CUL2: variants seen among roughly 807,000 people sequenced by gnomAD.
CUL2 encodes cullin-2.
Under a neutral mutation model 110.2 loss-of-function variants are expected in CUL2, and 22 were observed. The ratio of observed to expected loss-of-function variants is 0.20; its 90% CI spans 0.14 to 0.28. The LOEUF is 0.28. Ranked by LOEUF, CUL2 falls within the 10% of genes least tolerant of loss-of-function variation. The pLI, the probability that CUL2 is intolerant of heterozygous loss-of-function variation, is 1.00. For missense variants in CUL2, 631 were observed against 905.5 expected, an observed-to-expected ratio of 0.70 and a Z score of 3.89; for synonymous variants, 279 against 293.2, an observed-to-expected ratio of 0.95 and a Z score of 0.49.
chr10:35,095,089 G>A (rs1589058692), upstream of CUL2, among the ~76,000 whole-genome samples: 6 of 152,058 alleles, frequency 3.9e-5, no homozygotes, highest in Non-Finnish European at 2.9e-5. Flanking sequence ...GCTGAGGCTG[G>A]TGGATCACTT....
intron 2 of CUL2, among the ~76,000 whole-genome samples, chr10:35,097,286 T>A (rs1321100345): frequency 6.6e-6 from 1 of 152,054 alleles, no homozygotes; most frequent in East Asian, 1.9e-4. Flanking sequence ...GCCAGATGCA[T>A]CTGTGCCTTG....
chr10:35,046,759 G>A (rs2085951818), intron 6 of CUL2, among the ~76,000 whole-genome samples: 1 of 152,114 alleles, frequency 6.6e-6, no homozygotes, highest in Non-Finnish European at 1.5e-5. Flanking sequence ...GGGCATGGTG[G>A]CGCATGTCTA....
chr10:35,052,393 G>C (rs935851900), intron 5 of CUL2, among the ~76,000 whole-genome samples: 3 of 152,132 alleles, frequency 2.0e-5, no homozygotes, highest in Non-Finnish European at 2.9e-5. Context: ...GATGTGCTTC[G>C]ACAGAGGCTC....
At position 35,068,659 on chromosome 10, in the gene CUL2, C is replaced by T. The variant is rs950621115; in HGVS notation, c.119+2540G>A. ...GTCCATATTTGTGTTATTCACACTC[C>T]CCATAAATGCATGCTAAAAGTTCAA... is the stretch of plus-strand genomic sequence containing the variant. On this transcript the variant is annotated intron_variant, in intron 2 of 20. Transcript: ENST00000374749. 9.9e-5 allele frequency among the ~76,000 whole-genome samples: 15 copies of T among 152,132 alleles called. No individual in the cohort carries two copies. The East Asian group carries it at 2.9e-3, about 29-fold the overall frequency.
intron 4 of CUL2, among the ~76,000 whole-genome samples, chr10:35,059,246 C>T (rs878864545): frequency 6.6e-6 from 1 of 152,158 alleles, no homozygotes; most frequent in Admixed American, 6.5e-5. Flanking sequence ...AGGTAAAATG[C>T]TATCCAACAG....
At chr10:35,029,686 TAA>T (rs2085433856) in intron 14 of CUL2, 46 bp from the exon 15 acceptor site, 1 of 1,383,660 alleles carries the variant, frequency 7.2e-7, no homozygotes, top group Admixed American at 2.3e-5. Flanking sequence ...AGAAAAATAA[TAA>T]GTCATATTGG....
At position 35,009,235 on chromosome 10, in the gene CUL2, A is replaced by C. The variant is rs1248173180; in HGVS notation, c.*1076T>G. Reference sequence around the variant, plus strand: ...TATATATATATAAAATAAACAAAATAATGGGATTTATATATGTGGCACCCA... The same window carrying C: ...TATATATATATAAAATAAACAAAATCATGGGATTTATATATGTGGCACCCA... On this transcript the variant is annotated 3_prime_UTR_variant, in exon 21 of 21. Transcript: ENST00000374749. The C allele has an allele frequency of 6.8e-6, 1 of 147,794 alleles. No homozygotes were observed. The highest frequency in any genetic ancestry group is 1.5e-5 in the Non-Finnish European group (1 of 67,176). 9.2% of individuals were successfully genotyped at this position (147,794 alleles called of 1,614,324 possible). A position where few individuals can be genotyped will look rare whatever the true frequency, so the allele number is the denominator to read the frequency against.
chr10:35,057,804 AAGAC>A (rs2086278870), intron 4 of CUL2, among the ~76,000 whole-genome samples: 2 of 129,708 alleles, frequency 1.5e-5, no homozygotes, highest in African/African-American at 6.0e-5. Flanking sequence ...CTTCTTAATA[AAGAC>A]ATGGGCTGGA....
At chr10:35,047,266 T>C (rs539164236) in intron 6 of CUL2, among the ~76,000 whole-genome samples, 80 of 152,298 alleles carry the variant, frequency 5.3e-4, no homozygotes, top group African/African-American at 1.8e-3. Flanking sequence ...CTATGATAGT[T>C]CCTCAATTCT....
intron 1 of CUL2, among the ~76,000 whole-genome samples, chr10:35,124,253 A>G (rs920817889): frequency 6.6e-6 from 1 of 152,134 alleles, no homozygotes; most frequent in Non-Finnish European, 1.5e-5. Flanking sequence ...GTCAAGTAGA[A>G]TGAAAAATGA....
In CUL2 at chr10:35,021,723, G is replaced by C. The variant is rs2134666903; in HGVS notation, c.1684+3409C>G. 1.3e-5 allele frequency among the ~76,000 whole-genome samples: 2 copies of C among 151,214 alleles called. 1 individual carries two copies. Among genetic ancestry groups the C allele is most frequent in the Middle Eastern group, 6.8e-3 (2 of 292 alleles). ...GCCTCCCAAGTAGCTGGGACTACAG[G>C]GATCTCTTAAGCCCGGGAGGCAGAG... On this transcript the variant is annotated intron_variant, in intron 17 of 20. Transcript: ENST00000374749.
chr10:35,040,259 C>G (rs997397830), intron 8 of CUL2, among the ~76,000 whole-genome samples: 1 of 152,156 alleles, frequency 6.6e-6, no homozygotes. Flanking sequence ...CTACATAAAG[C>G]GCTGAGCTAC....
chr10:35,026,871 A>G (rs1300941113), intron 16 of CUL2, among the ~76,000 whole-genome samples: 4 of 152,100 alleles, frequency 2.6e-5, no homozygotes, highest in Non-Finnish European at 4.4e-5. Context: ...TTTAGGGTAC[A>G]TGTGCACAAT....
intron 1 of CUL2, among the ~76,000 whole-genome samples, chr10:35,116,015 T>A (rs528867488): frequency 3.9e-4 from 59 of 151,830 alleles, no homozygotes; most frequent in African/African-American, 1.4e-3. Context: ...AAAGATGATA[T>A]CACTACAGAT....
intron 17 of CUL2, among the ~76,000 whole-genome samples, chr10:35,021,863 G>GGTGGGGTGGGGGGA (rs1400066877): frequency 1.6e-5 from 1 of 61,266 alleles, no homozygotes; most frequent in Admixed American, 1.6e-4. Context: ...AGGTGAGGTG[G>GGTGGGGTGGGGGGA]GGTGGGGTGA....
chr10:35,029,057 T>G (rs2085405079), intron 15 of CUL2, among the ~76,000 whole-genome samples, 170 bp from the exon 16 acceptor site: 1 of 132,660 alleles, frequency 7.5e-6, no homozygotes, highest in Non-Finnish European at 1.7e-5. Context: ...AATAGGACCT[T>G]TTTTTGTTTT....
intron 2 of CUL2, among the ~76,000 whole-genome samples, 154 bp from the exon 3 acceptor site, chr10:35,063,216 T>C (rs940306816): frequency 4.6e-5 from 7 of 152,228 alleles, no homozygotes; most frequent in Non-Finnish European, 1.0e-4. Context: ...CAAGATAGAA[T>C]ACATAACCAT....
intron 1 of CUL2, among the ~76,000 whole-genome samples, chr10:35,081,437 T>C (rs1362668386): frequency 1.3e-5 from 2 of 152,198 alleles, no homozygotes; most frequent in African/African-American, 4.8e-5. Flanking sequence ...TTTAAGAAAC[T>C]GACATTTTTA....
rs1162854110 is a variant in CUL2, at chr10:35,009,358, G to A, written c.*953C>T. The A allele has an allele frequency of 6.6e-6, 1 of 151,898 alleles. No individual in the cohort carries two copies. The highest frequency in any genetic ancestry group is 1.9e-4 in the East Asian group (1 of 5,184). 9.4% of individuals were successfully genotyped at this position (151,898 alleles called of 1,614,324 possible). A position where few individuals can be genotyped will look rare whatever the true frequency, so the allele number is the denominator to read the frequency against. ...GAGTGACTCTAGTATCTAAACTGTTGGAGGAGGGTTGTAAGGGTAACAGGT... is the reference window on the plus strand; with the variant it reads ...GAGTGACTCTAGTATCTAAACTGTTAGAGGAGGGTTGTAAGGGTAACAGGT... On this transcript the variant is annotated 3_prime_UTR_variant, in exon 21 of 21. Transcript: ENST00000374749.
Sources: allele counts gnomAD v4.1 joint callset (sites outside exome capture counted in the v4.1 genomes callset), GRCh38; gene constraint gnomAD v4.1.1; transcripts MANE v1.5; gene names NCBI Gene and HGNC (gene_info 2026-07-23, HGNC 2026-07-21).